The following KAZN variants were observed in gnomAD, a reference collection of about 807,000 sequenced individuals.
KAZN encodes the protein kazrin.
KAZN carries 40 observed loss-of-function variants against 87.4 expected under a neutral mutation model. The observed-to-expected ratio is 0.46, with a 90% CI of 0.36 to 0.60. The LOEUF (loss-of-function observed/expected upper bound fraction) is 0.60. Among genes scored for constraint, KAZN ranks in the 20% least tolerant of loss-of-function variants. The pLI is 0.00. For missense variants in KAZN, 898 were observed against 1,073.9 expected (o/e 0.84, Z 2.29); for synonymous variants, 466 against 458.3 (o/e 1.02, Z -0.22).
At chr1:14,607,216 C>T (rs780083361) in intron 1 of KAZN, among the ~76,000 whole-genome samples, 1 of 152,178 alleles carries the variant, frequency 6.6e-6, no homozygotes, top group Non-Finnish European at 1.5e-5. Flanking sequence ...ATATAACAAG[C>T]ACTGTTTCAA....
chr1:14,460,764 A>G (rs1667812601), intron 2 of KAZN, among the ~76,000 whole-genome samples: 1 of 152,186 alleles, frequency 6.6e-6, no homozygotes, highest in South Asian at 2.1e-4. Context: ...CCTTGGGAAA[A>G]CAGAGATACT....
At chr1:14,511,127 A>T (rs1027824739) in intron 2 of KAZN, among the ~76,000 whole-genome samples, 2 of 152,056 alleles carry the variant, frequency 1.3e-5, no homozygotes, top group Non-Finnish European at 2.9e-5. Flanking sequence ...GGGTGGTCCC[A>T]GTTTCTATGT....
intron 1 of KAZN, among the ~76,000 whole-genome samples, chr1:14,084,128 A>G (rs1196634615): frequency 6.6e-6 from 1 of 152,230 alleles, no homozygotes; most frequent in Non-Finnish European, 1.5e-5. Context: ...GTGATGGTGG[A>G]TTGGACAGGG....
rs1474237441 is a variant in KAZN, at chr1:14,735,200, C to T, written c.226+135977C>T. Reference sequence around the variant, plus strand: ...TCAGCCTCAGGAGCAGCTGGGACTACAGGCACCCGCCACCATGCCCGGCTA... The same window carrying T: ...TCAGCCTCAGGAGCAGCTGGGACTATAGGCACCCGCCACCATGCCCGGCTA... On this transcript the variant is annotated intron_variant, in intron 1 of 14. Transcript: ENST00000376030. The surrounding 1 kb of genome is among the most constrained non-coding windows in gnomAD (Gnocchi z 4.3). Among the ~76,000 whole-genome samples, 1 of 152,188 alleles carries T rather than the reference C, an allele frequency of 6.6e-6. No homozygotes were observed. Among genetic ancestry groups the T allele is most frequent in the Non-Finnish European group, 1.5e-5 (1 of 68,036 alleles).
rs559340655 is a variant in KAZN at position 14,388,039 on chromosome 1, G to A, written c.249+207447G>A. On this transcript the variant is annotated intron_variant, in intron 2 of 16. Transcript: ENST00000636203. Reference sequence around the variant, plus strand: ...TGGTGTGCCGTTTTTTAAGCCCATCGGAAAAGCGCAGTATTCGGGTGGGAG... The same window carrying A: ...TGGTGTGCCGTTTTTTAAGCCCATCAGAAAAGCGCAGTATTCGGGTGGGAG... Among the ~76,000 whole-genome samples, 433 of 152,280 alleles carry A rather than the reference G, an allele frequency of 2.8e-3. 1 individual carries two copies. The highest frequency in any genetic ancestry group is 9.2e-3 in the African/African-American group (381 of 41,526).
intron 1 of KAZN, among the ~76,000 whole-genome samples, chr1:14,746,596 C>A (rs184403493): frequency 1.1e-4 from 16 of 151,996 alleles, no homozygotes; most frequent in Middle Eastern, 3.4e-3. Flanking sequence ...AGGCCATTGA[C>A]AAGCAGAGGG....
chr1:14,493,634 A>G (rs907860891), intron 2 of KAZN, among the ~76,000 whole-genome samples: 2 of 152,182 alleles, frequency 1.3e-5, no homozygotes, highest in African/African-American at 2.4e-5. Flanking sequence ...TGCCCCTTTC[A>G]TTAATTTTGC....
At chr1:14,018,894 C>G (rs138452543) in intron 1 of KAZN, among the ~76,000 whole-genome samples, 1,635 of 152,252 alleles carry the variant, frequency 0.011, 19 homozygotes, top group Non-Finnish European at 0.014. Flanking sequence ...AGCCATGCTA[C>G]CAGCATCCCA....
chr1:14,247,172 A>T (rs998758386), intron 2 of KAZN, among the ~76,000 whole-genome samples: 19 of 152,298 alleles, frequency 1.2e-4, no homozygotes, highest in African/African-American at 4.3e-4. Flanking sequence ...TTACATTTTT[A>T]AAAATACGGA....
intron 2 of KAZN, among the ~76,000 whole-genome samples, chr1:14,533,912 A>G (rs566981377): frequency 6.6e-5 from 10 of 152,314 alleles, no homozygotes; most frequent in African/African-American, 2.4e-4. Flanking sequence ...AGGGATTATT[A>G]TCCAAACTTG....
intron 1 of KAZN, among the ~76,000 whole-genome samples, chr1:14,883,024 G>A (rs534654102): frequency 1.2e-4 from 19 of 152,122 alleles, no homozygotes; most frequent in East Asian, 3.9e-4. Flanking sequence ...GGCCGGGCAC[G>A]GTGGCTCATA....
intron 2 of KAZN, among the ~76,000 whole-genome samples, chr1:14,970,221 A>G (rs1289126848): frequency 6.6e-6 from 1 of 152,210 alleles, no homozygotes; most frequent in African/African-American, 2.4e-5. Flanking sequence ...CTGTATACCC[A>G]GTTTCCCCGT....
intron 1 of KAZN, among the ~76,000 whole-genome samples, chr1:14,167,118 C>A (rs1027163075): frequency 6.6e-6 from 1 of 152,200 alleles, no homozygotes; most frequent in Non-Finnish European, 1.5e-5. Flanking sequence ...TGGGTTAGAG[C>A]CCATCTAGGC....
chr1:14,979,863 G>A (rs1666053865), intron 2 of KAZN, among the ~76,000 whole-genome samples: 1 of 152,116 alleles, frequency 6.6e-6, no homozygotes. Flanking sequence ...GTTTAGAACG[G>A]TAAGTACCTA....
intron 1 of KAZN, among the ~76,000 whole-genome samples, chr1:13,936,096 G>GTTTTTTGTT: frequency 2.4e-5 from 2 of 84,846 alleles, no homozygotes; most frequent in East Asian, 8.5e-4. Context: ...TACAAGTGCA[G>GTTTTTTGTT]TTTTTTTTTT....
chr1:14,239,774 A>G (rs1648775650), intron 2 of KAZN, among the ~76,000 whole-genome samples: 2 of 152,032 alleles, frequency 1.3e-5, no homozygotes, highest in African/African-American at 4.8e-5. Flanking sequence ...GGGGTTCTAT[A>G]GATCATTCAT....
At position 14,905,006 on chromosome 1, in the gene KAZN, C is replaced by G. The variant is rs1203584129; in HGVS notation, c.227-55678C>G. 2.6e-5 allele frequency among the ~76,000 whole-genome samples: 4 copies of G among 152,228 alleles called. No individual in the cohort carries two copies. The East Asian group carries it at 5.8e-4, about 22-fold the overall frequency. ...TCAATCTCCTGACCTCGTGATCCGC[C>G]CACCTCGGCCTCCCAAAGTGCTGGG... On this transcript the variant is annotated intron_variant, in intron 1 of 14. Transcript: ENST00000376030.
intron 1 of KAZN, among the ~76,000 whole-genome samples, chr1:14,035,854 C>T (rs1457073117): frequency 6.6e-6 from 1 of 152,068 alleles, no homozygotes; most frequent in Non-Finnish European, 1.5e-5. Context: ...TATATGTCTG[C>T]CCACTCTTCA....
chr1:14,535,058 A>T (rs1254777160), intron 2 of KAZN, among the ~76,000 whole-genome samples: 1 of 152,000 alleles, frequency 6.6e-6, no homozygotes, highest in African/African-American at 2.4e-5. Flanking sequence ...TTCAAGGAAC[A>T]AACTCTTTGT....
Sources: gnomAD v4.1 joint callset for allele counts (sites outside exome capture counted in the v4.1 genomes callset) on GRCh38, gnomAD v4.1.1 for gene constraint, Gnocchi (gnomAD v3.1) non-coding constraint, MANE v1.5 for transcripts, NCBI Gene and HGNC (gene_info 2026-07-23, HGNC 2026-07-21) for gene names.